Variants in ADGRL3 observed in about 807,000 individuals in gnomAD.
ADGRL3 encodes calcium-independent alpha-latrotoxin receptor 3.
ADGRL3 carries 62 observed loss-of-function variants against 153.5 expected under a neutral mutation model. The observed-to-expected ratio is 0.40, with a 90% CI of 0.33 to 0.50. The LOEUF (loss-of-function observed/expected upper bound fraction) is 0.50, where lower values mean the gene tolerates loss of function less well. Among genes scored for constraint, ADGRL3 ranks in the 20% least tolerant of loss-of-function variants. The pLI, the probability that ADGRL3 is intolerant of heterozygous loss-of-function variation, is 0.47. For missense variants in ADGRL3, 1,641 were observed against 1,859.4 expected, an observed-to-expected ratio of 0.88 and a Z score of 2.16; for synonymous variants, 710 against 672.5, an observed-to-expected ratio of 1.06 and a Z score of -0.86.
At chr4:61,788,020 CTTTA>C (rs1351961874) in intron 8 of ADGRL3, among the ~76,000 whole-genome samples, 3 of 152,150 alleles carry the variant, frequency 2.0e-5, no homozygotes, top group Non-Finnish European at 4.4e-5. Flanking sequence ...GCCACATTTT[CTTTA>C]TTCACTTGTT....
chr4:62,064,670 G>GT (rs879536487), intron 25 of ADGRL3, among the ~76,000 whole-genome samples: 68 of 143,960 alleles, frequency 4.7e-4, no homozygotes, highest in South Asian at 1.8e-3. Context: ...ATCTTTGGTT[G>GT]TTTTTTTTTT....
At chr4:61,863,569 ACCTCTTT>A (rs2098370749) in intron 9 of ADGRL3, among the ~76,000 whole-genome samples, 1 of 151,646 alleles carries the variant, frequency 6.6e-6, no homozygotes, top group Non-Finnish European at 1.5e-5. Flanking sequence ...ATTCCATTCC[ACCTCTTT>A]TAGGAAAGTG....
At chr4:61,284,901 T>G (rs540467343) in intron 1 of ADGRL3, among the ~76,000 whole-genome samples, 1 of 151,944 alleles carries the variant, frequency 6.6e-6, no homozygotes, top group South Asian at 2.1e-4. Context: ...CCTTTCTTCA[T>G]GTCATTCAAA....
intron 6 of ADGRL3, among the ~76,000 whole-genome samples, chr4:61,680,730 A>G (rs1344091371): frequency 1.3e-5 from 2 of 152,088 alleles, no homozygotes; most frequent in South Asian, 2.1e-4. Flanking sequence ...AAAGATGTCA[A>G]TGAGAAAGAA....
intron 8 of ADGRL3, among the ~76,000 whole-genome samples, chr4:61,755,178 C>T (rs2096809166): frequency 6.6e-6 from 1 of 152,044 alleles, no homozygotes; most frequent in Admixed American, 6.6e-5. Context: ...GTTCTAGATC[C>T]CTGAGGAATC....
At chr4:61,817,033 T>C (rs779510679) in intron 9 of ADGRL3, among the ~76,000 whole-genome samples, 50 of 152,244 alleles carry the variant, frequency 3.3e-4, no homozygotes, top group South Asian at 1.9e-3. Flanking sequence ...GGGGTTGTGC[T>C]GACATCCCAG....
At chr4:61,559,287 A>C (rs1417340185) in intron 4 of ADGRL3, among the ~76,000 whole-genome samples, 2 of 152,122 alleles carry the variant, frequency 1.3e-5, no homozygotes, top group Admixed American at 1.3e-4. Context: ...AATAATAAAC[A>C]AAATCTGCTT....
chr4:61,222,680 G>A (rs1037558668), intron 1 of ADGRL3, among the ~76,000 whole-genome samples: 7 of 152,252 alleles, frequency 4.6e-5, no homozygotes, highest in African/African-American at 1.4e-4. Flanking sequence ...GCTTGGTAAA[G>A]AATGAGGTTC....
chr4:61,334,698 A>G (rs1317358932), intron 1 of ADGRL3, among the ~76,000 whole-genome samples: 1 of 152,088 alleles, frequency 6.6e-6, no homozygotes, highest in African/African-American at 2.4e-5. Flanking sequence ...TTTTTGGGTT[A>G]GGAACACGAA....
At chr4:61,527,149 A>G (rs1195096486) in intron 4 of ADGRL3, among the ~76,000 whole-genome samples, 1 of 152,098 alleles carries the variant, frequency 6.6e-6, no homozygotes, top group Non-Finnish European at 1.5e-5. Flanking sequence ...ATTCAAAAAT[A>G]TATAGATTTC....
At chr4:61,231,749 AT>A (rs1750751860) in intron 1 of ADGRL3, among the ~76,000 whole-genome samples, 6 of 152,010 alleles carry the variant, frequency 3.9e-5, no homozygotes, top group African/African-American at 1.2e-4. Flanking sequence ...AATGTTCTTC[AT>A]TTTATCCTTT....
At chr4:62,029,275 T>G (rs1190457325) in intron 22 of ADGRL3, among the ~76,000 whole-genome samples, 1 of 151,758 alleles carries the variant, frequency 6.6e-6, no homozygotes, top group Admixed American at 6.6e-5. Flanking sequence ...TACTGGTATA[T>G]CTTCAAAATG....
intron 25 of ADGRL3, among the ~76,000 whole-genome samples, chr4:62,047,462 TA>T (rs1731717942): frequency 1.3e-5 from 2 of 151,774 alleles, no homozygotes; most frequent in South Asian, 4.2e-4. Flanking sequence ...CAATGGTATT[TA>T]TTTTTTTAAA....
chr4:61,398,511 C>T (rs1300908664), intron 2 of ADGRL3, among the ~76,000 whole-genome samples: 6 of 151,624 alleles, frequency 4.0e-5, no homozygotes, highest in Non-Finnish European at 7.4e-5. Context: ...ACCTGATTAG[C>T]AAGTTTAATT....
At chr4:61,821,353 ATTT>A in intron 9 of ADGRL3, among the ~76,000 whole-genome samples, 1 of 122,704 alleles carries the variant, frequency 8.1e-6, no homozygotes, top group Non-Finnish European at 1.7e-5. Context: ...TTATTTATTT[ATTT>A]GTTTATTTAT....
At chr4:61,683,264 C>A (rs1193570962) in intron 6 of ADGRL3, among the ~76,000 whole-genome samples, 1 of 152,004 alleles carries the variant, frequency 6.6e-6, no homozygotes, top group African/African-American at 2.4e-5. Context: ...AGGCACATGC[C>A]ACCACACCCA....
chr4:61,346,265 T>C (rs2095902888), intron 1 of ADGRL3, among the ~76,000 whole-genome samples: 1 of 150,858 alleles, frequency 6.6e-6, no homozygotes, highest in Non-Finnish European at 1.5e-5. Flanking sequence ...TCTCTCTTTC[T>C]CTCCCCCCAC....
chr4:61,679,631 C>G (rs749976533), intron 6 of ADGRL3, among the ~76,000 whole-genome samples: 1 of 151,992 alleles, frequency 6.6e-6, no homozygotes, highest in Non-Finnish European at 1.5e-5. Context: ...CATGCATAGG[C>G]TATTTAATTT....
At chr4:61,572,684 ATAAAT>A (rs1394729958) in intron 4 of ADGRL3, among the ~76,000 whole-genome samples, 1 of 152,064 alleles carries the variant, frequency 6.6e-6, no homozygotes, top group Non-Finnish European at 1.5e-5. Flanking sequence ...TCAAAATACT[ATAAAT>A]TAAATAATAT....
Sources: allele counts gnomAD v4.1 joint callset (sites outside exome capture counted in the v4.1 genomes callset), GRCh38; gene constraint gnomAD v4.1.1; transcripts MANE v1.5; gene names NCBI Gene and HGNC (gene_info 2026-07-23, HGNC 2026-07-21).